Variants in CENPN observed in about 807,000 individuals in gnomAD.
The protein encoded by CENPN is centromere protein N.
CENPN carries 36 observed loss-of-function variants against 48.6 expected under a neutral mutation model. The observed-to-expected ratio is 0.74, with a 90% CI of 0.57 to 0.98. The LOEUF is 0.98. Among genes scored for constraint, CENPN ranks in the 50% least tolerant of loss-of-function variants. CENPN has a pLI of 0.00. For synonymous variants in CENPN, 166 were observed against 135.2 expected (o/e 1.23, Z -1.58); for missense variants, 439 against 399.2 (o/e 1.10, Z -0.85).
At chr16:81,017,546 T>C (rs895911459) in intron 4 of CENPN, among the ~76,000 whole-genome samples, 161 bp downstream of exon 4, 5 of 152,296 alleles carry the variant, frequency 3.3e-5, no homozygotes, top group Admixed American at 2.6e-4. Flanking sequence ...CTCATTTCTT[T>C]CAAAATGAGG....
At position 81,017,632 on chromosome 16, in the gene CENPN, G is replaced by T. The variant is rs556709857; in HGVS notation, c.278-126G>T. 543 of 752,506 alleles carry T rather than the reference G, an allele frequency of 7.2e-4. 3 individuals are homozygous for T. The African/African-American group carries it at 7.8e-3, about 11-fold the overall frequency. 46.6% of individuals were successfully genotyped at this position (752,506 alleles called of 1,614,324 possible). ...CATGTCAGAAGTACTAGCACCATTTGTGTGATTTGATCATTATTACTCTGG... is the reference window on the plus strand; with the variant it reads ...CATGTCAGAAGTACTAGCACCATTTTTGTGATTTGATCATTATTACTCTGG... On this transcript the variant is annotated intron_variant, in intron 4 of 10. Transcript: ENST00000305850.
chr16:81,028,152 T>A lies in CENPN; in HGVS notation c.811-19T>A. The stretch of plus-strand genomic sequence containing the variant: ...TTATACAATATGTTTAATAGTCATT[T>A]ATAAATGTTTGTTGACAGCTTGAAA... On this transcript the variant is annotated intron_variant, in intron 9 of 10. Transcript: ENST00000305850. 6.4e-7 allele frequency: 1 copy of A among 1,563,764 alleles called. No individual in the cohort carries two copies. The highest frequency in any genetic ancestry group is 8.8e-7 in the Non-Finnish European group (1 of 1,134,578).
intron 9 of CENPN, among the ~76,000 whole-genome samples, chr16:81,027,329 A>G (rs983438386): frequency 6.6e-6 from 1 of 152,140 alleles, no homozygotes; most frequent in Non-Finnish European, 1.5e-5. Flanking sequence ...TGTGTCTACA[A>G]AAATTCAAAA....
chr16:81,029,824 T>C lies in CENPN; in HGVS notation c.*1173T>C, dbSNP rs1233243932. Among the ~76,000 whole-genome samples, 13 of 152,112 alleles carry C rather than the reference T, an allele frequency of 8.5e-5. No homozygotes were observed. Among genetic ancestry groups the C allele is most frequent in the Non-Finnish European group, 1.8e-4 (12 of 68,004 alleles). ...TCCTGGGCTCAAGCAATCTGCCCAT[T>C]TTAGCCTCCTAAAATGCTGGGATTA... On this transcript the variant is annotated 3_prime_UTR_variant, in exon 11 of 11. Transcript: ENST00000305850.
chr16:81,014,742 A>G (rs1969869900), intron 3 of CENPN, among the ~76,000 whole-genome samples: 1 of 152,228 alleles, frequency 6.6e-6, no homozygotes, highest in Non-Finnish European at 1.5e-5. Flanking sequence ...TAACTGGCAC[A>G]TCAGAAACAC....
intron 8 of CENPN, among the ~76,000 whole-genome samples, chr16:81,025,759 G>A (rs1567555056): frequency 7.0e-6 from 1 of 143,046 alleles, no homozygotes; most frequent in African/African-American, 2.7e-5. Flanking sequence ...CTGGAATGCA[G>A]TAGCATGATT....
In CENPN at chr16:81,028,652, G is replaced by A. The variant is rs1970624082; in HGVS notation, c.*1G>A. 3 of 1,609,576 alleles carry A rather than the reference G, an allele frequency of 1.9e-6. No homozygotes were observed. The highest frequency in any genetic ancestry group is 2.5e-6 in the Non-Finnish European group (3 of 1,179,108). On this transcript the variant is annotated 3_prime_UTR_variant, in exon 11 of 11. Transcript: ENST00000305850. ...TTATTTTAAAATTAGAGATAAATAA[G>A]ACGTGCGTGGTTTCTTAAGCACAGC... is the stretch of plus-strand genomic sequence containing the variant.
chr16:81,021,847 A>C (rs2602425), intron 6 of CENPN, among the ~76,000 whole-genome samples: 149,509 of 151,926 alleles, frequency 0.98, 73,605 homozygotes, highest in Middle Eastern at 1. Context: ...CTCCACCCCC[A>C]AGGTTCAAGC....
chr16:81,031,888 C>A (rs1037999058), downstream of CENPN, among the ~76,000 whole-genome samples: 28 of 152,304 alleles, frequency 1.8e-4, no homozygotes, highest in African/African-American at 5.5e-4. Flanking sequence ...CAGGTGTGAG[C>A]CTCAGTGCCC....
rs1399176693 is a variant in CENPN at position 81,031,226 on chromosome 16, T to C, written c.*2575T>C. ...CCTTGAACCTTTGAATTGGGCCAAA[T>C]TGCGATGACCACTGCATCCTGGAAA... On this transcript the variant is annotated 3_prime_UTR_variant, in exon 11 of 11. Transcript: ENST00000305850. 3 of 151,078 alleles carry C rather than the reference T, an allele frequency of 2.0e-5. No individual in the cohort carries two copies. The highest frequency in any genetic ancestry group is 4.4e-5 in the Non-Finnish European group (3 of 67,836). 9.4% of individuals were successfully genotyped at this position (151,078 alleles called of 1,614,324 possible).
chr16:81,015,144 AT>A (rs1695425161), intron 3 of CENPN, among the ~76,000 whole-genome samples: 1 of 152,186 alleles, frequency 6.6e-6, no homozygotes, highest in African/African-American at 2.4e-5. Context: ...CTTTCTGAAA[AT>A]TTGTTCCTAT....
chr16:81,017,454 G>C, intron 4 of CENPN, 69 bp downstream of exon 4: 1 of 1,082,430 alleles, frequency 9.2e-7, no homozygotes, highest in Non-Finnish European at 1.4e-6. Flanking sequence ...AGGTTACAGC[G>C]AGCTGAGATT....
intron 7 of CENPN, 199 bp from the exon 8 acceptor site, chr16:81,024,516 A>C (rs990241510): frequency 4.2e-5 from 19 of 450,062 alleles, no homozygotes; most frequent in Non-Finnish European, 7.6e-5. Flanking sequence ...AGCTCCTCAA[A>C]CAGAACAGTC....
At chr16:81,008,512 G>A (rs1441152619) in intron 1 of CENPN, among the ~76,000 whole-genome samples, 2 of 152,056 alleles carry the variant, frequency 1.3e-5, no homozygotes, top group Non-Finnish European at 2.9e-5. Flanking sequence ...GCTGGGACTA[G>A]AGGTGTGCGT....
intron 3 of CENPN, among the ~76,000 whole-genome samples, chr16:81,015,496 T>C (rs1175078476): frequency 1.3e-5 from 2 of 152,274 alleles, no homozygotes; most frequent in Non-Finnish European, 1.5e-5. Context: ...TATTAACTAA[T>C]TGCAATCATT....
rs1387499194 is a variant in CENPN, at chr16:81,022,592, T to C, written c.532-5T>C. ...AGTAATAGTCTTGCAAATTTTCATT[T>C]CAAGGCGCTGACAATTGCTAGCAAA... On this transcript the variant is annotated splice_region_variant and splice_polypyrimidine_tract_variant and intron_variant, in intron 6 of 10. Coordinates refer to ENST00000305850, the MANE Select transcript of CENPN (RefSeq NM_001100624.3). 6.2e-7 allele frequency: 1 copy of C among 1,613,624 alleles called. No individual in the cohort carries two copies. The highest frequency in any genetic ancestry group is 8.5e-7 in the Non-Finnish European group (1 of 1,179,604).
rs73595478 is a variant in CENPN at position 81,024,386 on chromosome 16, G to A, written c.634-329G>A. 8.4e-3 allele frequency: 1,395 copies of A among 167,056 alleles called. 20 individuals carry two copies. Among genetic ancestry groups the A allele is most frequent in the African/African-American group, 0.031 (1,315 of 42,104 alleles). The allele number at this position is 167,056 out of a possible 1,614,324, so 10.3% of individuals were successfully genotyped here. On this transcript the variant is annotated intron_variant, in intron 7 of 10. Coordinates refer to ENST00000305850, the MANE Select transcript of CENPN (RefSeq NM_001100624.3). ...TAGGAAAGTTATTTTTCCAATCTCA[G>A]TAAGTTTTTTAGGGTTATGAAGATT...
chr16:81,009,472 G>A (rs1027086524), intron 1 of CENPN, among the ~76,000 whole-genome samples: 1 of 152,122 alleles, frequency 6.6e-6, no homozygotes, highest in African/African-American at 2.4e-5. Context: ...CACGCAACAC[G>A]GGGCCTTGTA....
Position 81,030,624 on chromosome 16 carries a change from C to A in CENPN, c.*1973C>A. 1 of 153,556 alleles carries A rather than the reference C, an allele frequency of 6.5e-6. No homozygotes were observed. The highest frequency in any genetic ancestry group is 1.4e-5 in the Non-Finnish European group (1 of 69,154). The allele number at this position is 153,556 out of a possible 1,614,324, so 9.5% of individuals were successfully genotyped here. ...ATTAGTTGGGGGTAGTGGCAGCCGC[C>A]TGTAATCCCAGCTATTCGAGAGGCT... On this transcript the variant is annotated 3_prime_UTR_variant, in exon 11 of 11. Transcript: ENST00000305850.
Sources: allele counts gnomAD v4.1 joint callset (sites outside exome capture counted in the v4.1 genomes callset), GRCh38; gene constraint gnomAD v4.1.1; transcripts MANE v1.5; gene names NCBI Gene and HGNC (gene_info 2026-07-23, HGNC 2026-07-21).